PABPC4L: variants seen among roughly 807,000 people sequenced by gnomAD.
PABPC4L encodes poly(A) binding protein cytoplasmic 4 like, also known as polyadenylate-binding protein 4-like.
For synonymous variants in PABPC4L, 169 were observed against 164.1 expected, an observed-to-expected ratio of 1.03 and a Z score of -0.23; for missense variants, 452 against 451.4, an observed-to-expected ratio of 1.00 and a Z score of -0.01.
At chr4:134,061,608 C>T in the PABPC4L span, among the ~76,000 whole-genome samples, 6 of 129,856 alleles carry the variant, frequency 4.6e-5, no homozygotes, top group East Asian at 2.9e-4. Flanking sequence ...TACACACAAA[C>T]ACAAACATAC....
the PABPC4L span, among the ~76,000 whole-genome samples, chr4:134,048,794 A>G: frequency 0.52 from 78,324 of 151,840 alleles, 21,582 homozygotes; most frequent in East Asian, 0.93. Flanking sequence ...TGTTCCAGCT[A>G]AATTAATTAA....
the PABPC4L span, among the ~76,000 whole-genome samples, chr4:134,145,560 T>C: frequency 6.6e-6 from 1 of 151,916 alleles, no homozygotes; most frequent in African/African-American, 2.4e-5. Context: ...CAAATGTAAA[T>C]GAGGCTGTTG....
the PABPC4L span, among the ~76,000 whole-genome samples, chr4:133,956,057 T>C: frequency 1.6e-4 from 25 of 152,180 alleles, no homozygotes; most frequent in Non-Finnish European, 2.9e-4. Context: ...AATGGACTTA[T>C]TAAAAAAAAA....
chr4:133,989,311 G>T, the PABPC4L span, among the ~76,000 whole-genome samples: 2 of 152,128 alleles, frequency 1.3e-5, no homozygotes, highest in Admixed American at 6.5e-5. Flanking sequence ...AAGCTTTTAT[G>T]CTCTGTTTCA....
At chr4:133,998,808 C>T in the PABPC4L span, among the ~76,000 whole-genome samples, 71,876 of 151,526 alleles carry the variant, frequency 0.47, 18,580 homozygotes, top group African/African-American at 0.65. Context: ...TAAGTAGGAT[C>T]TTTCCCCCTA....
At chr4:134,085,578 T>C in the PABPC4L span, among the ~76,000 whole-genome samples, 1 of 152,188 alleles carries the variant, frequency 6.6e-6, no homozygotes, top group Non-Finnish European at 1.5e-5. Context: ...TCAGTCACTA[T>C]CGTTCTCCCC....
chr4:134,026,620 T>TC, the PABPC4L span, among the ~76,000 whole-genome samples: 290 of 151,650 alleles, frequency 1.9e-3, 4 homozygotes, highest in East Asian at 9.7e-4. Context: ...TTGAATTGTG[T>TC]CCCCCCCCAA....
chr4:133,974,632 G>A, the PABPC4L span, among the ~76,000 whole-genome samples: 6 of 151,970 alleles, frequency 3.9e-5, no homozygotes, highest in African/African-American at 1.4e-4. Flanking sequence ...ATCTGATAAG[G>A]AACTTGAATA....
the PABPC4L span, among the ~76,000 whole-genome samples, chr4:134,135,859 AAC>A: frequency 6.6e-6 from 1 of 151,982 alleles, no homozygotes; most frequent in African/African-American, 2.4e-5. Context: ...AATAAAATAA[AAC>A]ACAGCAGAAA....
chr4:133,965,723 A>C, the PABPC4L span, among the ~76,000 whole-genome samples: 1 of 152,166 alleles, frequency 6.6e-6, no homozygotes, highest in South Asian at 2.1e-4. Context: ...AGGAAAGGAC[A>C]CCCTTTTCAA....
the PABPC4L span, among the ~76,000 whole-genome samples, chr4:134,147,747 G>GT: frequency 0.012 from 1,046 of 87,758 alleles, 6 homozygotes; most frequent in East Asian, 0.092. Context: ...GTGTGTGTGT[G>GT]TGTGTTGTTG....
the PABPC4L span, among the ~76,000 whole-genome samples, chr4:134,062,779 T>C: frequency 6.6e-6 from 1 of 152,096 alleles, no homozygotes; most frequent in Non-Finnish European, 1.5e-5. Flanking sequence ...TCTTTACATG[T>C]GAAAACTAGT....
the PABPC4L span, among the ~76,000 whole-genome samples, chr4:134,055,272 G>A: frequency 1.3e-5 from 2 of 151,890 alleles, no homozygotes; most frequent in African/African-American, 2.4e-5. Context: ...ATATAGGAGG[G>A]CCTATATAGT....
At chr4:134,183,784 G>A in the PABPC4L span, among the ~76,000 whole-genome samples, 1 of 151,122 alleles carries the variant, frequency 6.6e-6, no homozygotes, top group Non-Finnish European at 1.5e-5. Flanking sequence ...ATAAAATATT[G>A]TTGAAAAAGA....
chr4:134,200,993 CA>C lies in PABPC4L; in HGVS notation c.26del (p.Met9ArgfsTer48). The C allele has an allele frequency of 8.4e-6, 13 of 1,552,324 alleles. No individual in the cohort carries two copies. Among genetic ancestry groups the C allele is most frequent in the Non-Finnish European group, 1.1e-5 (13 of 1,147,294 alleles). MNVAAKYR[M>X]ASLYVGDLHA... ...GTAAGTCACCCACATACAGGGAGGC[CA>C]TGCGGTACTTGGCTGCTACATTCAT... On this transcript the variant is annotated frameshift_variant, in exon 2 of 2. Transcript: ENST00000421491. LOFTEE classifies it low-confidence loss of function (END_TRUNC).
chr4:134,063,464 A>T, the PABPC4L span, among the ~76,000 whole-genome samples: 1 of 152,074 alleles, frequency 6.6e-6, no homozygotes, highest in East Asian at 1.9e-4. Flanking sequence ...GGGCAAGGTA[A>T]ATACATGGGT....
chr4:134,189,078 T>G, the PABPC4L span, among the ~76,000 whole-genome samples: 139 of 152,202 alleles, frequency 9.1e-4, no homozygotes, highest in Non-Finnish European at 1.6e-3. Context: ...CTACTAATAA[T>G]GAGGCCATCA....
At chr4:134,116,734 T>G in the PABPC4L span, among the ~76,000 whole-genome samples, 80 of 151,876 alleles carry the variant, frequency 5.3e-4, no homozygotes, top group Middle Eastern at 3.4e-3. Context: ...TATAAATTTA[T>G]GTTCCAATTA....
At chr4:134,109,772 G>A in the PABPC4L span, among the ~76,000 whole-genome samples, 7 of 148,330 alleles carry the variant, frequency 4.7e-5, no homozygotes, top group South Asian at 2.1e-4. Flanking sequence ...TTGAGACATC[G>A]TCTTGCTCTG....
Sources: gnomAD v4.1 joint callset for allele counts (sites outside exome capture counted in the v4.1 genomes callset) on GRCh38, gnomAD v4.1.1 for gene constraint, MANE v1.5 for transcripts, NCBI Gene and HGNC (gene_info 2026-07-23, HGNC 2026-07-21) for gene names.